Variants in PPM1D observed in about 807,000 individuals in gnomAD.
PPM1D encodes protein phosphatase 1D.
In PPM1D, 52 loss-of-function variants were observed where a neutral mutation model predicts 58.3. The observed-to-expected ratio is 0.89, with a 90% CI of 0.71 to 1.12. PPM1D has a LOEUF of 1.12. PPM1D is among the 50% of genes most tolerant of loss of function. The probability of loss-of-function intolerance (pLI) is 0.00; values close to 1 mark genes in which losing one functional copy is unlikely to be tolerated. For missense variants in PPM1D, 564 were observed against 777.2 expected, an observed-to-expected ratio of 0.73 and a Z score of 3.26; for synonymous variants, 278 against 285.1, an observed-to-expected ratio of 0.98 and a Z score of 0.25.
chr17:60,609,997 T>C (rs1356455606), intron 1 of PPM1D, among the ~76,000 whole-genome samples: 2 of 151,940 alleles, frequency 1.3e-5, no homozygotes, highest in African/African-American at 2.4e-5. Flanking sequence ...CTGGCCAACA[T>C]GGTGAAACCC....
At chr17:60,615,072 C>T (rs1464700072) in intron 1 of PPM1D, among the ~76,000 whole-genome samples, 2 of 152,114 alleles carry the variant, frequency 1.3e-5, no homozygotes, top group African/African-American at 4.8e-5. Context: ...TGGTTTTTGC[C>T]TTTATGACAT....
At chr17:60,616,235 C>T (rs904492261) in intron 1 of PPM1D, among the ~76,000 whole-genome samples, 3 of 145,082 alleles carry the variant, frequency 2.1e-5, no homozygotes, top group African/African-American at 7.8e-5. Context: ...TTGCAGTGAG[C>T]TGAGATTGAG....
intron 4 of PPM1D, among the ~76,000 whole-genome samples, chr17:60,649,985 TGA>T (rs2031314840): frequency 6.6e-6 from 1 of 152,192 alleles, no homozygotes; most frequent in African/African-American, 2.4e-5. Context: ...TTTAATGATC[TGA>T]GAGAGATCAT....
At chr17:60,640,438 G>A (rs912218119) in intron 3 of PPM1D, among the ~76,000 whole-genome samples, 2 of 152,170 alleles carry the variant, frequency 1.3e-5, no homozygotes, top group African/African-American at 4.8e-5. Context: ...GTAACTTACC[G>A]TTGTAAAGCA....
At chr17:60,614,522 G>A (rs999239133) in intron 1 of PPM1D, among the ~76,000 whole-genome samples, 1 of 152,198 alleles carries the variant, frequency 6.6e-6, no homozygotes, top group African/African-American at 2.4e-5. Flanking sequence ...TCAGCAGGAT[G>A]TGGGTGGTGC....
intron 1 of PPM1D, among the ~76,000 whole-genome samples, chr17:60,618,343 A>G (rs1170407438): frequency 6.6e-6 from 1 of 152,200 alleles, no homozygotes; most frequent in African/African-American, 2.4e-5. Flanking sequence ...GAGTATACAT[A>G]TCTTTACCTT....
chr17:60,645,532 ATG>A (rs1182004824), intron 3 of PPM1D, among the ~76,000 whole-genome samples: 3 of 119,388 alleles, frequency 2.5e-5, no homozygotes, highest in African/African-American at 1.3e-4. Context: ...GTATATATAT[ATG>A]TGTATATATA....
chr17:60,611,488 G>A (rs565882434), intron 1 of PPM1D, among the ~76,000 whole-genome samples: 104 of 151,364 alleles, frequency 6.9e-4, no homozygotes, highest in Non-Finnish European at 1.4e-3. Context: ...GGAGTGCAGC[G>A]GCACGATCTT....
intron 5 of PPM1D, 191 bp downstream of exon 5, chr17:60,657,032 C>G: frequency 6.7e-7 from 1 of 1,495,880 alleles, no homozygotes; most frequent in Non-Finnish European, 8.9e-7. Flanking sequence ...GTGTACAGCA[C>G]TAATAAAAAG....
chr17:60,603,129 A>G (rs1380921839), intron 1 of PPM1D, among the ~76,000 whole-genome samples: 1 of 152,152 alleles, frequency 6.6e-6, no homozygotes, highest in Non-Finnish European at 1.5e-5. Flanking sequence ...CCCAGTCAGT[A>G]TGTTTTCTTC....
At chr17:60,614,088 C>T (rs1052595854) in intron 1 of PPM1D, among the ~76,000 whole-genome samples, 3 of 149,510 alleles carry the variant, frequency 2.0e-5, no homozygotes, top group Admixed American at 1.3e-4. Flanking sequence ...ACTGCAAAGC[C>T]AGCTGGGCTC....
chr17:60,654,481 G>A (rs1227675546), intron 4 of PPM1D, among the ~76,000 whole-genome samples: 1 of 129,982 alleles, frequency 7.7e-6, no homozygotes, highest in East Asian at 2.4e-4. Context: ...TCCAGCCTGG[G>A]TGACAGAGTG....
chr17:60,614,534 A>G (rs188863210), intron 1 of PPM1D, among the ~76,000 whole-genome samples: 175 of 152,302 alleles, frequency 1.1e-3, no homozygotes, highest in African/African-American at 4.0e-3. Flanking sequence ...GGGTGGTGCC[A>G]GATAAGGGAA....
chr17:60,651,561 C>A (rs1235364623), intron 4 of PPM1D, among the ~76,000 whole-genome samples: 1 of 151,942 alleles, frequency 6.6e-6, no homozygotes, highest in East Asian at 1.9e-4. Flanking sequence ...CCATGCCTGG[C>A]TAATTTTTTT....
intron 2 of PPM1D, among the ~76,000 whole-genome samples, chr17:60,631,029 A>G (rs575666403): frequency 6.6e-6 from 1 of 152,352 alleles, no homozygotes; most frequent in African/African-American, 2.4e-5. Flanking sequence ...TGATCAACCT[A>G]TTTATATCAG....
At chr17:60,644,967 C>T (rs2031206528) in intron 3 of PPM1D, among the ~76,000 whole-genome samples, 1 of 152,060 alleles carries the variant, frequency 6.6e-6, no homozygotes, top group African/African-American at 2.4e-5. Context: ...TAGAAATATA[C>T]CACATATCTT....
intron 4 of PPM1D, among the ~76,000 whole-genome samples, chr17:60,649,330 G>C (rs1260626386): frequency 6.6e-6 from 1 of 152,154 alleles, no homozygotes; most frequent in Non-Finnish European, 1.5e-5. Flanking sequence ...CTCTCAGATG[G>C]CAGGAATAGT....
At chr17:60,651,545 G>A (rs907987872) in intron 4 of PPM1D, among the ~76,000 whole-genome samples, 5 of 151,604 alleles carry the variant, frequency 3.3e-5, no homozygotes, top group South Asian at 2.1e-4. Context: ...CTACAGGCGC[G>A]CGCCACCATG....
chr17:60,620,923 C>CT (rs1036850403), intron 1 of PPM1D, among the ~76,000 whole-genome samples: 2 of 150,744 alleles, frequency 1.3e-5, no homozygotes, highest in African/African-American at 4.9e-5. Flanking sequence ...CTTTTCTTTT[C>CT]TTTCTTTCTT....
Sources: gnomAD v4.1 joint callset for allele counts (sites outside exome capture counted in the v4.1 genomes callset) on GRCh38, gnomAD v4.1.1 for gene constraint, MANE v1.5 for transcripts, NCBI Gene and HGNC (gene_info 2026-07-23, HGNC 2026-07-21) for gene names.